Variants in ADGRB3 observed in about 807,000 individuals in gnomAD.
ADGRB3 encodes the protein brain-specific angiogenesis inhibitor 3.
In ADGRB3, 37 loss-of-function variants were observed where a neutral mutation model predicts 193.4. The observed-to-expected ratio is 0.19, with a 90% CI of 0.15 to 0.25. ADGRB3 has a LOEUF of 0.25. Among genes scored for constraint, ADGRB3 ranks in the 10% least tolerant of loss-of-function variants. The probability of loss-of-function intolerance (pLI) is 1.00; values close to 1 mark genes in which losing one functional copy is unlikely to be tolerated. For synonymous variants in ADGRB3, 690 were observed against 644.2 expected (o/e 1.07, Z -1.08); for missense variants, 1,637 against 1,852.9 (o/e 0.88, Z 2.14).
At position 69,338,963 on chromosome 6, in the gene ADGRB3, G is replaced by T; in HGVS notation, c.3236G>T (p.Cys1079Phe). 1 of 1,613,838 alleles carries T rather than the reference G, an allele frequency of 6.2e-7. No individual in the cohort carries two copies. Among genetic ancestry groups the T allele is most frequent in the Non-Finnish European group, 8.5e-7 (1 of 1,179,836 alleles). The change falls in exon 25 of 32, where the codon TGT (cysteine) becomes TTT (phenylalanine). Residue 1079 changes from cysteine to phenylalanine, a missense_variant. Coordinates refer to ENST00000370598, the MANE Select transcript of ADGRB3 (RefSeq NM_001704.3). ...GGTTTGACGCTCAAATGTGCCAAGT[G>T]TGGAGTAGTTTCAACAACAGCTTTG... ...HSGLTLKCAK[C>F]GVVSTTALSA...
intron 17 of ADGRB3, among the ~76,000 whole-genome samples, chr6:69,116,470 G>A (rs765426834): frequency 2.1e-4 from 32 of 152,132 alleles, no homozygotes; most frequent in Non-Finnish European, 3.7e-4. Flanking sequence ...GAGGAGATTG[G>A]ACATGAAAGT....
chr6:69,137,029 T>C (rs1384752690), intron 17 of ADGRB3, among the ~76,000 whole-genome samples: 1 of 150,472 alleles, frequency 6.6e-6, no homozygotes, highest in East Asian at 2.0e-4. Context: ...ATCCCACCGA[T>C]GCAGTGGTGT....
At chr6:68,902,941 T>C (rs1484281929) in intron 3 of ADGRB3, among the ~76,000 whole-genome samples, 4 of 152,190 alleles carry the variant, frequency 2.6e-5, no homozygotes, top group Non-Finnish European at 5.9e-5. Flanking sequence ...AAGTCTCTGA[T>C]TATGGAATGT....
chr6:69,102,606 AGGGTGATGTGAAT>A (rs1439342915), intron 17 of ADGRB3, among the ~76,000 whole-genome samples: 1 of 152,192 alleles, frequency 6.6e-6, no homozygotes, highest in Non-Finnish European at 1.5e-5. Context: ...TTCTGAGTAC[AGGGTGATGTGAAT>A]GGATCAGTGA....
At chr6:69,184,136 A>G (rs574712331) in intron 17 of ADGRB3, among the ~76,000 whole-genome samples, 1 of 152,260 alleles carries the variant, frequency 6.6e-6, no homozygotes, top group East Asian at 1.9e-4. Flanking sequence ...GGATACATCA[A>G]TTTTATGGCA....
chr6:68,838,176 C>A (rs528718), intron 3 of ADGRB3, among the ~76,000 whole-genome samples: 32,580 of 151,976 alleles, frequency 0.21, 4,039 homozygotes, highest in East Asian at 0.58. Flanking sequence ...GAGGCTTTCT[C>A]TTAAAAGAGC....
chr6:68,923,175 A>AAGTTTACC (rs1291710704), intron 3 of ADGRB3, among the ~76,000 whole-genome samples: 1 of 152,134 alleles, frequency 6.6e-6, no homozygotes, highest in African/African-American at 2.4e-5. Context: ...TTTTGTAATA[A>AAGTTTACC]ACTAAAATAT....
intron 17 of ADGRB3, among the ~76,000 whole-genome samples, chr6:69,093,600 T>C (rs976424047): frequency 1.4e-5 from 2 of 141,778 alleles, no homozygotes; most frequent in Non-Finnish European, 3.1e-5. Flanking sequence ...AAGAGAGGGA[T>C]AGATAGCATA....
chr6:69,367,469 A>C (rs1248380836), intron 29 of ADGRB3, among the ~76,000 whole-genome samples: 2 of 152,014 alleles, frequency 1.3e-5, no homozygotes, highest in African/African-American at 2.4e-5. Context: ...ACTAGTTTAC[A>C]GTCCCACCAA....
chr6:69,036,152 T>G (rs1770865254), intron 13 of ADGRB3, among the ~76,000 whole-genome samples: 1 of 152,196 alleles, frequency 6.6e-6, no homozygotes, highest in Non-Finnish European at 1.5e-5. Flanking sequence ...GACTCTTTCT[T>G]TCTCAATTTC....
At chr6:68,678,458 G>T (rs1168734615) in intron 3 of ADGRB3, among the ~76,000 whole-genome samples, 1 of 152,170 alleles carries the variant, frequency 6.6e-6, no homozygotes, top group Non-Finnish European at 1.5e-5. Flanking sequence ...ATGATGCAGA[G>T]ACCTTGTCCA....
At chr6:69,186,880 T>C (rs1765081724) in intron 17 of ADGRB3, among the ~76,000 whole-genome samples, 1 of 151,718 alleles carries the variant, frequency 6.6e-6, no homozygotes, top group South Asian at 2.1e-4. Context: ...GGTAATAGTA[T>C]ATTACCTCTA....
At position 68,966,050 on chromosome 6, in the gene ADGRB3, C is replaced by G. The variant is rs565539630; in HGVS notation, c.1526-8713C>G. Reference sequence around the variant, plus strand: ...AACTCAAAACTATTTTCGGCATCTCCTCTCCCAAGTCATCTCTTCCTCACA... The same window carrying G: ...AACTCAAAACTATTTTCGGCATCTCGTCTCCCAAGTCATCTCTTCCTCACA... On this transcript the variant is annotated intron_variant, in intron 8 of 31. Transcript: ENST00000370598. Among the ~76,000 whole-genome samples the G allele has an allele frequency of 2.0e-4, 31 of 152,234 alleles. 1 individual carries two copies. The South Asian group carries it at 5.8e-3, about 28-fold the overall frequency.
chr6:69,181,962 G>C (rs144114926), intron 17 of ADGRB3, among the ~76,000 whole-genome samples: 3 of 152,234 alleles, frequency 2.0e-5, no homozygotes, highest in African/African-American at 7.2e-5. Context: ...CAAGTAAATT[G>C]TATGACATTC....
chr6:68,835,811 T>C (rs995070176), intron 3 of ADGRB3, among the ~76,000 whole-genome samples: 2 of 152,214 alleles, frequency 1.3e-5, no homozygotes, highest in African/African-American at 4.8e-5. Context: ...GCTTTGATTT[T>C]GGTTAAAAGC....
chr6:69,359,281 C>T (rs1376950864), intron 28 of ADGRB3, among the ~76,000 whole-genome samples: 1 of 151,338 alleles, frequency 6.6e-6, no homozygotes, highest in African/African-American at 2.4e-5. Flanking sequence ...ATTTAGCATA[C>T]TTTGCCCCTT....
At chr6:69,246,851 C>T (rs1354343666) in intron 20 of ADGRB3, among the ~76,000 whole-genome samples, 1 of 152,142 alleles carries the variant, frequency 6.6e-6, no homozygotes, top group Non-Finnish European at 1.5e-5. Context: ...TGAGAACTCA[C>T]TCAACAGGGA....
At chr6:69,179,817 G>C (rs1325046058) in intron 17 of ADGRB3, among the ~76,000 whole-genome samples, 2 of 152,170 alleles carry the variant, frequency 1.3e-5, no homozygotes, top group African/African-American at 4.8e-5. Context: ...AAGCCAGTAG[G>C]TGACACTTAT....
chr6:68,954,523 AC>A (rs891914888), intron 6 of ADGRB3, among the ~76,000 whole-genome samples: 15 of 151,838 alleles, frequency 9.9e-5, no homozygotes, highest in African/African-American at 3.4e-4. Context: ...TCTTCTTACC[AC>A]CCGTTCCTAG....
Sources: gnomAD v4.1 joint callset for allele counts (sites outside exome capture counted in the v4.1 genomes callset) on GRCh38, gnomAD v4.1.1 for gene constraint, MANE v1.5 for transcripts, NCBI Gene and HGNC (gene_info 2026-07-23, HGNC 2026-07-21) for gene names.